The following FBXO31 variants were observed in gnomAD, a reference collection of about 807,000 sequenced individuals.
FBXO31 encodes the protein F-box only protein 31.
A neutral mutation model predicts 54.4 loss-of-function variants in FBXO31; 24 were observed. The ratio of observed to expected loss-of-function variants is 0.44; its 90% CI spans 0.32 to 0.62. The LOEUF (loss-of-function observed/expected upper bound fraction) is 0.62, where lower values mean the gene tolerates loss of function less well. Ranked by LOEUF, FBXO31 falls within the 20% of genes least tolerant of loss-of-function variation. The pLI, the probability that FBXO31 is intolerant of heterozygous loss-of-function variation, is 0.05. For missense variants in FBXO31, 665 were observed against 787.1 expected (o/e 0.84, Z 1.86); for synonymous variants, 388 against 335.6 (o/e 1.16, Z -1.71).
chr16:87,390,514 C>T (rs1002917702), upstream of FBXO31, among the ~76,000 whole-genome samples: 6 of 151,380 alleles, frequency 4.0e-5, no homozygotes, highest in Non-Finnish European at 7.4e-5. Flanking sequence ...GATCTTGGCT[C>T]GCTGCAACCT....
chr16:87,380,918 G>A (rs1907049403), intron 1 of FBXO31, among the ~76,000 whole-genome samples: 2 of 152,100 alleles, frequency 1.3e-5, no homozygotes, highest in African/African-American at 4.8e-5. Flanking sequence ...GTATACCTTT[G>A]AATTTTTGAT....
At chr16:87,374,525 G>T (rs559781569) in intron 1 of FBXO31, among the ~76,000 whole-genome samples, 1 of 152,204 alleles carries the variant, frequency 6.6e-6, no homozygotes, top group African/African-American at 2.4e-5. Flanking sequence ...CATGCCAGCC[G>T]GACAGTCCTA....
chr16:87,354,878 G>A (rs1474984808), intron 2 of FBXO31, among the ~76,000 whole-genome samples: 2 of 152,056 alleles, frequency 1.3e-5, no homozygotes, highest in Non-Finnish European at 2.9e-5. Flanking sequence ...TGAGGCAAGA[G>A]AGTCACTTGA....
chr16:87,341,840 A>C (rs1905206219), intron 5 of FBXO31, among the ~76,000 whole-genome samples: 1 of 152,192 alleles, frequency 6.6e-6, no homozygotes, highest in African/African-American at 2.4e-5. Flanking sequence ...TCCGAGAAAC[A>C]GGACATTTGG....
chr16:87,349,555 C>CA (rs1487356897), intron 2 of FBXO31, among the ~76,000 whole-genome samples: 12 of 152,052 alleles, frequency 7.9e-5, no homozygotes, highest in African/African-American at 2.7e-4. Flanking sequence ...ACTTAAAATA[C>CA]AAAAAATTAG....
At chr16:87,376,621 A>G (rs77242785) in intron 1 of FBXO31, among the ~76,000 whole-genome samples, 2,186 of 152,292 alleles carry the variant, frequency 0.014, 54 homozygotes, top group African/African-American at 0.049. Context: ...AAAAGAAGAA[A>G]ATAAACACAG....
chr16:87,343,732 G>A lies in FBXO31; in HGVS notation c.523C>T (p.Leu175=), dbSNP rs376068374. 1.4e-5 allele frequency: 23 copies of A among 1,614,144 alleles called. No individual in the cohort carries two copies. In the Middle Eastern group the frequency reaches 6.6e-4, roughly 46 times the overall value. The part of the protein sequence containing the change: ...DGLFIIGWMY[L]PPHDPHVDDP... ...TCGACGTGGGGGTCATGGGGAGGCAGGTACATCCACCCGATGATGAACAGG... is the reference window on the plus strand; with the variant it reads ...TCGACGTGGGGGTCATGGGGAGGCAAGTACATCCACCCGATGATGAACAGG... The change falls in exon 4 of 9, where the codon CTG becomes TTG. Residue 175 remains leucine (L), a synonymous_variant. Coordinates refer to ENST00000311635, the MANE Select transcript of FBXO31 (RefSeq NM_024735.5).
intron 2 of FBXO31, among the ~76,000 whole-genome samples, chr16:87,357,454 G>A (rs1905946057): frequency 6.6e-6 from 1 of 150,772 alleles, no homozygotes; most frequent in Non-Finnish European, 1.5e-5. Context: ...CTCAGCCTCT[G>A]GGTACCTGGG....
At chr16:87,343,977 G>C (rs1287214650) in intron 3 of FBXO31, among the ~76,000 whole-genome samples, 1 of 152,250 alleles carries the variant, frequency 6.6e-6, no homozygotes, top group Non-Finnish European at 1.5e-5. Flanking sequence ...GAATAATCCA[G>C]AAAGTGACAC....
intron 7 of FBXO31, among the ~76,000 whole-genome samples, chr16:87,334,601 G>A (rs988751260): frequency 1.3e-5 from 2 of 152,244 alleles, no homozygotes; most frequent in African/African-American, 4.8e-5. Flanking sequence ...GCAGAGCTCG[G>A]GAGCCGAGCC....
intron 2 of FBXO31, among the ~76,000 whole-genome samples, chr16:87,348,240 T>G (rs935924762): frequency 6.6e-6 from 1 of 151,968 alleles, no homozygotes; most frequent in African/African-American, 2.4e-5. Context: ...ACCTGCCCGC[T>G]CTCCATCAGC....
chr16:87,353,328 C>G (rs957979459), intron 2 of FBXO31, among the ~76,000 whole-genome samples: 11 of 152,238 alleles, frequency 7.2e-5, no homozygotes, highest in Non-Finnish European at 4.4e-5. Context: ...GGACCCGCAC[C>G]TTTACCCACA....
chr16:87,363,744 C>G (rs1030374090), intron 1 of FBXO31, among the ~76,000 whole-genome samples: 1 of 152,146 alleles, frequency 6.6e-6, no homozygotes, highest in African/African-American at 2.4e-5. Flanking sequence ...CTGAGAGGGA[C>G]TCTCAGCAAA....
At chr16:87,362,470 A>T (rs1342888343) in intron 1 of FBXO31, 1 of 151,514 alleles carries the variant, frequency 6.6e-6, no homozygotes, top group Non-Finnish European at 1.5e-5. Context: ...AAAACATACC[A>T]TTCATTCATT....
At chr16:87,357,441 C>G (rs1021049929) in intron 2 of FBXO31, among the ~76,000 whole-genome samples, 2 of 151,654 alleles carry the variant, frequency 1.3e-5, no homozygotes, top group East Asian at 2.0e-4. Context: ...GCGATTCCCC[C>G]ACCTCAGCCT....
chr16:87,336,225 GC>G lies in FBXO31; in HGVS notation c.771del (p.Leu258TrpfsTer14). ...RTWLREEWGR[T>X]LEDIFHEHMQ... Reference sequence around the variant, plus strand: ...ATGTGCTCGTGGAAGATGTCCTCCAGCGTGCGCCCCCATTCCTCCCTCAGCC... The same window carrying G: ...ATGTGCTCGTGGAAGATGTCCTCCAGGTGCGCCCCCATTCCTCCCTCAGCC... On this transcript the variant is annotated frameshift_variant, in exon 6 of 9. Transcript: ENST00000311635. LOFTEE classifies it high-confidence loss of function. The surrounding 1 kb of genome is among the most constrained non-coding windows in gnomAD (Gnocchi z 6.5). 1 of 1,614,212 alleles carries G rather than the reference GC, an allele frequency of 6.2e-7. No individual in the cohort carries two copies. The highest frequency in any genetic ancestry group is 1.3e-5 in the African/African-American group (1 of 75,064).
intron 8 of FBXO31, 151 bp downstream of exon 8, chr16:87,333,735 G>A: frequency 1.6e-6 from 2 of 1,224,962 alleles, no homozygotes; most frequent in South Asian, 1.6e-5. Flanking sequence ...ATGGCCCAAG[G>A]GGTCAGAGGC....
At chr16:87,360,116 G>T (rs1327150576) in intron 2 of FBXO31, among the ~76,000 whole-genome samples, 179 bp downstream of exon 2, 2 of 152,202 alleles carry the variant, frequency 1.3e-5, no homozygotes, top group African/African-American at 4.8e-5. Flanking sequence ...GGAGAATACG[G>T]TGTCCCCTCC....
At chr16:87,354,469 A>C (rs1248224746) in intron 2 of FBXO31, among the ~76,000 whole-genome samples, 1 of 86,328 alleles carries the variant, frequency 1.2e-5, no homozygotes, top group South Asian at 4.5e-4. Context: ...ATCCTGTCTC[A>C]AAAAAAAAAA....
Sources: gnomAD v4.1 joint callset for allele counts (sites outside exome capture counted in the v4.1 genomes callset) on GRCh38, gnomAD v4.1.1 for gene constraint, Gnocchi (gnomAD v3.1) non-coding constraint, MANE v1.5 for transcripts, NCBI Gene and HGNC (gene_info 2026-07-23, HGNC 2026-07-21) for gene names.